The following PLXNA4 variants were observed in gnomAD, a reference collection of about 807,000 sequenced individuals.
PLXNA4 encodes the protein plexin A4.
In PLXNA4, 44 loss-of-function variants were observed where a neutral mutation model predicts 191.8. The observed-to-expected ratio is 0.23, with a 90% CI of 0.18 to 0.29. The LOEUF (loss-of-function observed/expected upper bound fraction) is 0.29. PLXNA4 is among the 10% of genes least tolerant of loss of function. The pLI is 1.00. For synonymous variants in PLXNA4, 1,082 were observed against 1,009.5 expected, an observed-to-expected ratio of 1.07 and a Z score of -1.36; for missense variants, 1,800 against 2,488.8, an observed-to-expected ratio of 0.72 and a Z score of 5.89.
At chr7:132,566,057 T>C (rs1801709500) in intron 1 of PLXNA4, among the ~76,000 whole-genome samples, 1 of 152,186 alleles carries the variant, frequency 6.6e-6, no homozygotes. Context: ...CACCAAACAG[T>C]TTAATGCTGA....
At chr7:132,449,724 C>A (rs966027993) in intron 3 of PLXNA4, among the ~76,000 whole-genome samples, 2 of 152,224 alleles carry the variant, frequency 1.3e-5, no homozygotes, top group African/African-American at 4.8e-5. Flanking sequence ...CTTCAGTGCC[C>A]TGTACAAAAG....
At chr7:132,526,637 T>C (rs770852383) in intron 1 of PLXNA4, among the ~76,000 whole-genome samples, 8 of 152,234 alleles carry the variant, frequency 5.3e-5, no homozygotes, top group Admixed American at 2.0e-4. Context: ...TTGGGGCTGC[T>C]GTTTTATTTG....
At chr7:132,298,426 C>A (rs1801186858) in intron 3 of PLXNA4, among the ~76,000 whole-genome samples, 1 of 152,206 alleles carries the variant, frequency 6.6e-6, no homozygotes, top group Non-Finnish European at 1.5e-5. Flanking sequence ...AGTGGGGGAC[C>A]AAGCTGGGCT....
chr7:132,598,303 G>T lies in PLXNA4; in HGVS notation c.-87+47625C>A, dbSNP rs574606913. ...TTTGTATTTTCAGTAGAGACAGGGG[G>T]TTTCATTATGTTGGCCAGGCTGGTC... On this transcript the variant is annotated intron_variant, in intron 2 of 4. Coordinates refer to the PLXNA4 transcript ENST00000378539. Among the ~76,000 whole-genome samples the T allele has an allele frequency of 7.2e-5, 11 of 152,172 alleles. No individual in the cohort carries two copies. In the South Asian group the frequency reaches 2.1e-3, roughly 29 times the overall value.
rs2116487316 is a variant in PLXNA4 at position 132,130,286 on chromosome 7, G to C, written c.*193C>G. ...TCAGTGGCTTGGTCCAATCGTGTTG[G>C]CAGAGCAACTGGAAGAGAAGAGATC... On this transcript the variant is annotated 3_prime_UTR_variant, in exon 32 of 32. Coordinates refer to ENST00000321063, the MANE Select transcript of PLXNA4 (RefSeq NM_020911.2). 1 of 770,018 alleles carries C rather than the reference G, an allele frequency of 1.3e-6. No individual in the cohort carries two copies. The highest frequency in any genetic ancestry group is 1.8e-5 in the South Asian group (1 of 55,164). The allele number at this position is 770,018 out of a possible 1,614,324, so 47.7% of individuals were successfully genotyped here. A position where few individuals can be genotyped will look rare whatever the true frequency, so the allele number is the denominator to read the frequency against.
intron 1 of PLXNA4, among the ~76,000 whole-genome samples, chr7:132,560,672 C>T (rs904024703): frequency 6.6e-6 from 1 of 152,058 alleles, no homozygotes; most frequent in African/African-American, 2.4e-5. Flanking sequence ...GAAAAGAATG[C>T]AGCACTCCTG....
intron 3 of PLXNA4, among the ~76,000 whole-genome samples, chr7:132,360,401 T>A (rs959192639): frequency 2.0e-5 from 3 of 152,166 alleles, no homozygotes; most frequent in African/African-American, 7.2e-5. Flanking sequence ...GTCCCAGGCA[T>A]CATCTTTGCC....
intron 4 of PLXNA4, among the ~76,000 whole-genome samples, chr7:132,297,775 C>G (rs1366403980): frequency 1.3e-5 from 2 of 152,168 alleles, no homozygotes; most frequent in African/African-American, 4.8e-5. Flanking sequence ...AAATCTGGAC[C>G]CACAATTTGG....
At chr7:132,279,452 G>C (rs188356054) in intron 4 of PLXNA4, among the ~76,000 whole-genome samples, 1 of 152,172 alleles carries the variant, frequency 6.6e-6, no homozygotes, top group African/African-American at 2.4e-5. Context: ...AACATAGTGA[G>C]ACCCTATTTC....
intron 1 of PLXNA4, among the ~76,000 whole-genome samples, chr7:132,538,917 G>A (rs1799957555): frequency 6.6e-6 from 1 of 152,216 alleles, no homozygotes; most frequent in Non-Finnish European, 1.5e-5. Context: ...AGCAGAGAAT[G>A]AAAATCTGAT....
chr7:132,577,588 C>A (rs1013150490), upstream of PLXNA4, among the ~76,000 whole-genome samples: 1 of 152,128 alleles, frequency 6.6e-6, no homozygotes, highest in Non-Finnish European at 1.5e-5. Context: ...CTTGCCGGCT[C>A]TCCTCCGCAC....
Position 132,357,571 on chromosome 7 carries a change from T to C in PLXNA4, c.1372-59349A>G, listed in dbSNP as rs143192130. Among the ~76,000 whole-genome samples the C allele has an allele frequency of 2.0e-4, 31 of 152,324 alleles. 1 individual carries two copies. The highest frequency in any genetic ancestry group is 7.5e-4 in the African/African-American group (31 of 41,566). On this transcript the variant is annotated intron_variant, in intron 3 of 31. Coordinates refer to ENST00000321063, the MANE Select transcript of PLXNA4 (RefSeq NM_020911.2). ...GCCAAAATACCTGCATGGCAGCGTG[T>C]TGTCTTTCCCCTGGTTGCCATGAAG...
chr7:132,587,295 C>T lies in PLXNA4; in HGVS notation c.-87+58633G>A, dbSNP rs529732324. Among the ~76,000 whole-genome samples the T allele has an allele frequency of 1.1e-4, 17 of 152,308 alleles. No individual in the cohort carries two copies. In the South Asian group the frequency reaches 3.3e-3, roughly 30 times the overall value. ...TGTCAAAGAGAAGAGCTGCTGCATTCCTTCTGTGTAACTTCAAGATGTGAA... is the reference window on the plus strand; with the variant it reads ...TGTCAAAGAGAAGAGCTGCTGCATTTCTTCTGTGTAACTTCAAGATGTGAA... On this transcript the variant is annotated intron_variant, in intron 2 of 4. Coordinates refer to the PLXNA4 transcript ENST00000378539.
Position 132,125,077 on chromosome 7 carries a change from C to T in PLXNA4, c.*5402G>A, listed in dbSNP as rs1310527331. 1.3e-5 allele frequency: 2 copies of T among 151,760 alleles called. No individual in the cohort carries two copies. Among genetic ancestry groups the T allele is most frequent in the Non-Finnish European group, 2.9e-5 (2 of 67,976 alleles). The allele number at this position is 151,760 out of a possible 1,614,324, so 9.4% of individuals were successfully genotyped here. A position where few individuals can be genotyped will look rare whatever the true frequency, so the allele number is the denominator to read the frequency against. ...CTCTCTTGCATGTCTGAAACTTTTA[C>T]TGCAGTGGATTACTTTCCAAATGAG... is the stretch of plus-strand genomic sequence containing the variant. On this transcript the variant is annotated 3_prime_UTR_variant, in exon 32 of 32. Transcript: ENST00000321063.
intron 2 of PLXNA4, among the ~76,000 whole-genome samples, chr7:132,500,098 A>C (rs1372226370): frequency 6.6e-6 from 1 of 152,206 alleles, no homozygotes; most frequent in Non-Finnish European, 1.5e-5. Flanking sequence ...ACTAAGGGAC[A>C]TGTGAAGGTA....
intron 1 of PLXNA4, among the ~76,000 whole-genome samples, chr7:132,558,349 T>C (rs889412200): frequency 6.6e-6 from 1 of 152,242 alleles, no homozygotes; most frequent in Admixed American, 6.5e-5. Context: ...TGATATTCTG[T>C]AAGCTTTTTT....
chr7:132,380,616 C>T (rs1481698963), intron 3 of PLXNA4, among the ~76,000 whole-genome samples: 1 of 152,184 alleles, frequency 6.6e-6, no homozygotes, highest in Non-Finnish European at 1.5e-5. Context: ...CAGCAGTCCT[C>T]CACAGAGAGG....
intron 9 of PLXNA4, among the ~76,000 whole-genome samples, chr7:132,213,574 G>A (rs1033565376): frequency 5.3e-5 from 8 of 152,256 alleles, no homozygotes; most frequent in Non-Finnish European, 8.8e-5. Flanking sequence ...CACCACAGCC[G>A]CTACTCTAGC....
chr7:132,529,501 A>G (rs2116424830), intron 1 of PLXNA4, among the ~76,000 whole-genome samples: 1 of 152,296 alleles, frequency 6.6e-6, no homozygotes, highest in East Asian at 1.9e-4. Context: ...TTCACTGGGA[A>G]AGTTTTTTTA....
Sources: gnomAD v4.1 joint callset for allele counts (sites outside exome capture counted in the v4.1 genomes callset) on GRCh38, gnomAD v4.1.1 for gene constraint, MANE v1.5 for transcripts, NCBI Gene and HGNC (gene_info 2026-07-23, HGNC 2026-07-21) for gene names.